The following CSGALNACT1 variants were observed in gnomAD, a reference collection of about 807,000 sequenced individuals.
The protein encoded by CSGALNACT1 is beta4GalNAcT-1.
Under a neutral mutation model 51.0 loss-of-function variants are expected in CSGALNACT1, and 52 were observed. The ratio of observed to expected loss-of-function variants is 1.02; its 90% CI spans 0.82 to 1.29. The LOEUF (loss-of-function observed/expected upper bound fraction) is 1.29, where lower values mean the gene tolerates loss of function less well. Among genes scored for constraint, CSGALNACT1 ranks in the 50% most tolerant of loss-of-function variants. CSGALNACT1 has a pLI of 0.00. For missense variants in CSGALNACT1, 935 were observed against 679.2 expected (o/e 1.38, Z -4.19); for synonymous variants, 341 against 254.4 (o/e 1.34, Z -3.24).
intron 4 of CSGALNACT1, among the ~76,000 whole-genome samples, chr8:19,486,115 GTC>G (rs1316005792): frequency 2.0e-5 from 3 of 151,212 alleles, no homozygotes; most frequent in Non-Finnish European, 2.9e-5. Context: ...CCTCCTGAGA[GTC>G]TCTTTGGGAG....
chr8:19,496,769 A>C (rs1009897701), intron 4 of CSGALNACT1, among the ~76,000 whole-genome samples: 4 of 152,154 alleles, frequency 2.6e-5, no homozygotes, highest in Admixed American at 2.6e-4. Flanking sequence ...GAAATCAACG[A>C]CCTAAGCAAG....
chr8:19,480,743 A>G (rs1252354757), intron 4 of CSGALNACT1, among the ~76,000 whole-genome samples: 3 of 152,220 alleles, frequency 2.0e-5, no homozygotes, highest in Non-Finnish European at 4.4e-5. Flanking sequence ...GTATTTACAG[A>G]CAAGGGCTCA....
In CSGALNACT1 at chr8:19,712,175, G is replaced by A. The variant is rs537653265; in HGVS notation, c.-297+45675C>T. 2.5e-4 allele frequency among the ~76,000 whole-genome samples: 38 copies of A among 152,196 alleles called. No homozygotes were observed. In the South Asian group the frequency reaches 2.9e-3, roughly 12 times the overall value. ...TGAGTAGCTGGGACTACAGGTTCGC[G>A]CCGCCACGCCCGGCTAATTTTTTGT... On this transcript the variant is annotated intron_variant, in intron 1 of 1. Coordinates refer to the CSGALNACT1 transcript ENST00000517494.
intron 8 of CSGALNACT1, among the ~76,000 whole-genome samples, chr8:19,416,369 TC>T (rs2056878754): frequency 6.6e-6 from 1 of 152,092 alleles, no homozygotes; most frequent in Non-Finnish European, 1.5e-5. Flanking sequence ...TGCTTCGGCC[TC>T]CCAAAGTGCT....
At chr8:19,660,052 G>T (rs1027534384) in intron 1 of CSGALNACT1, among the ~76,000 whole-genome samples, 1 of 152,186 alleles carries the variant, frequency 6.6e-6, no homozygotes, top group South Asian at 2.1e-4. Context: ...GGAAACTGAC[G>T]CACGGGGAAG....
rs150854220 is a variant in CSGALNACT1, at chr8:19,622,609, A to G, written c.-543-20744T>C. On this transcript the variant is annotated intron_variant, in intron 1 of 9. Coordinates refer to the CSGALNACT1 transcript ENST00000332246. ...TTGAAAGGGGTATAAATGGAGTTAA[A>G]AGTATTTTAAAGCCCTTGCATTGTC... 1.1e-3 allele frequency among the ~76,000 whole-genome samples: 167 copies of G among 152,342 alleles called. 1 individual carries two copies. The Middle Eastern group carries it at 0.017, about 16-fold the overall frequency.
At chr8:19,536,538 G>C (rs1477079532) in intron 3 of CSGALNACT1, among the ~76,000 whole-genome samples, 1 of 152,022 alleles carries the variant, frequency 6.6e-6, no homozygotes, top group African/African-American at 2.4e-5. Flanking sequence ...ATAGATGCAT[G>C]GATTGGAAAA....
rs28558362 is a variant in CSGALNACT1, at chr8:19,449,358, G to T, written c.851+9068C>A. 6.2e-3 allele frequency among the ~76,000 whole-genome samples: 947 copies of T among 152,282 alleles called. 9 individuals carry two copies. The highest frequency in any genetic ancestry group is 0.022 in the African/African-American group (898 of 41,544). ...CAAAGTGAAATGGCCTATGGGAGAGGTAGAGGGGCTTAAGGATGGCAGGAG... is the reference window on the plus strand; with the variant it reads ...CAAAGTGAAATGGCCTATGGGAGAGTTAGAGGGGCTTAAGGATGGCAGGAG... On this transcript the variant is annotated intron_variant, in intron 5 of 9. Coordinates refer to ENST00000454498, the Ensembl canonical transcript of CSGALNACT1.
At chr8:19,531,172 T>G (rs904289610) in intron 3 of CSGALNACT1, among the ~76,000 whole-genome samples, 5 of 152,332 alleles carry the variant, frequency 3.3e-5, no homozygotes, top group African/African-American at 1.2e-4. Flanking sequence ...TTCTAAATCC[T>G]CATGACATTC....
chr8:19,614,556 A>G (rs990856107), intron 1 of CSGALNACT1, among the ~76,000 whole-genome samples: 3 of 152,226 alleles, frequency 2.0e-5, no homozygotes, highest in Non-Finnish European at 4.4e-5. Context: ...ACTCTTCTAT[A>G]ACCATCACAT....
intron 3 of CSGALNACT1, chr8:19,531,967 C>G (rs2082858606): frequency 6.6e-6 from 1 of 152,156 alleles, no homozygotes; most frequent in South Asian, 2.1e-4. Flanking sequence ...AAAGAGGAGC[C>G]TGGCCCTTCT....
chr8:19,666,981 A>G (rs1564385308), intron 1 of CSGALNACT1, among the ~76,000 whole-genome samples: 5 of 14,344 alleles, frequency 3.5e-4, no homozygotes, highest in East Asian at 1.2e-3. Flanking sequence ...GAAAGAAAGA[A>G]AGAAAGAAAG....
intron 3 of CSGALNACT1, among the ~76,000 whole-genome samples, chr8:19,533,563 G>C (rs1481368964): frequency 6.6e-6 from 1 of 152,084 alleles, no homozygotes; most frequent in African/African-American, 2.4e-5. Context: ...TGGTCTTCAA[G>C]CACTAGAGTT....
chr8:19,579,103 G>A (rs1302753125), intron 3 of CSGALNACT1, among the ~76,000 whole-genome samples: 1 of 152,148 alleles, frequency 6.6e-6, no homozygotes, highest in Non-Finnish European at 1.5e-5. Flanking sequence ...CCAGTCCAGA[G>A]TGATAACTTT....
intron 1 of CSGALNACT1, among the ~76,000 whole-genome samples, chr8:19,669,047 A>C (rs896175138): frequency 2.0e-5 from 3 of 152,234 alleles, no homozygotes; most frequent in African/African-American, 7.2e-5. Flanking sequence ...TCTCAAACAA[A>C]TTCTGTGTAA....
At chr8:19,567,474 T>C (rs866626271) in intron 3 of CSGALNACT1, among the ~76,000 whole-genome samples, 3 of 152,200 alleles carry the variant, frequency 2.0e-5, no homozygotes, top group South Asian at 2.1e-4. Context: ...AATAGAAGGC[T>C]ACTTCCTTAA....
At chr8:19,526,102 G>T (rs1389368007) in intron 3 of CSGALNACT1, among the ~76,000 whole-genome samples, 1 of 152,118 alleles carries the variant, frequency 6.6e-6, no homozygotes, top group Non-Finnish European at 1.5e-5. Context: ...GCTCCACAAG[G>T]CCCAATGCTG....
chr8:19,649,850 G>T (rs1043519453), intron 1 of CSGALNACT1, among the ~76,000 whole-genome samples: 1 of 21,792 alleles, frequency 4.6e-5, no homozygotes, highest in South Asian at 1.1e-3. Context: ...AAAAAACCAC[G>T]GGGGGAGGCA....
intron 2 of CSGALNACT1, among the ~76,000 whole-genome samples, chr8:19,594,849 G>A (rs2048572242): frequency 6.6e-6 from 1 of 151,990 alleles, no homozygotes; most frequent in Non-Finnish European, 1.5e-5. Context: ...ACCACACCCG[G>A]ACTTTAATTT....
Sources: allele counts gnomAD v4.1 joint callset (sites outside exome capture counted in the v4.1 genomes callset), GRCh38; gene constraint gnomAD v4.1.1; transcripts MANE v1.5; gene names NCBI Gene and HGNC (gene_info 2026-07-23, HGNC 2026-07-21).